The following CDH11 variants were observed in gnomAD, a reference collection of about 807,000 sequenced individuals.
CDH11 encodes the protein cadherin 11.
A neutral mutation model predicts 67.8 loss-of-function variants in CDH11; 11 were observed. That is an observed-to-expected ratio of 0.16 (90% confidence interval 0.10 to 0.27). The LOEUF (loss-of-function observed/expected upper bound fraction) is 0.27. CDH11 is among the 10% of genes least tolerant of loss of function. The pLI is 1.00. For missense variants in CDH11, 847 were observed against 1,031.2 expected (o/e 0.82, Z 2.45); for synonymous variants, 419 against 400.0 (o/e 1.05, Z -0.57).
chr16:65,114,757 C>A (rs1030384492), intron 1 of CDH11, among the ~76,000 whole-genome samples: 2 of 152,114 alleles, frequency 1.3e-5, no homozygotes, highest in Non-Finnish European at 2.9e-5. Flanking sequence ...GAAAGCCCAG[C>A]CTGGCTGTGA....
chr16:64,978,294 G>A (rs919691223), intron 8 of CDH11, among the ~76,000 whole-genome samples: 1 of 152,110 alleles, frequency 6.6e-6, no homozygotes, highest in South Asian at 2.1e-4. Context: ...AGTGGAAGGC[G>A]CAGTGATGAT....
At chr16:64,993,819 G>A (rs2072694267) in intron 4 of CDH11, among the ~76,000 whole-genome samples, 1 of 152,176 alleles carries the variant, frequency 6.6e-6, no homozygotes, top group Non-Finnish European at 1.5e-5. Flanking sequence ...TGGGGAGAGA[G>A]GAGCTGGAAG....
At chr16:65,033,010 C>G (rs532090129) in intron 2 of CDH11, among the ~76,000 whole-genome samples, 12 of 152,272 alleles carry the variant, frequency 7.9e-5, no homozygotes, top group African/African-American at 2.6e-4. Flanking sequence ...TAAATTTTTC[C>G]TTTCTCTCTT....
At chr16:64,992,372 C>T (rs539190434) in intron 5 of CDH11, among the ~76,000 whole-genome samples, 1 of 152,298 alleles carries the variant, frequency 6.6e-6, no homozygotes, top group South Asian at 2.1e-4. Flanking sequence ...TCATGCAATA[C>T]ATTAAAGTGT....
At chr16:64,948,121 G>T (rs1276752004) in intron 12 of CDH11, 22 bp from the exon 13 acceptor site, 4 of 1,599,044 alleles carry the variant, frequency 2.5e-6, no homozygotes, top group Admixed American at 1.7e-5. Flanking sequence ...GAAAAAGAAG[G>T]TAAGCATTCG....
chr16:64,974,345 G>A (rs1170031229), intron 8 of CDH11, among the ~76,000 whole-genome samples: 1 of 152,180 alleles, frequency 6.6e-6, no homozygotes, highest in Non-Finnish European at 1.5e-5. Flanking sequence ...TTTACAAAAT[G>A]AGTATGTCAG....
chr16:64,968,326 A>G, intron 11 of CDH11: 1 of 586,852 alleles, frequency 1.7e-6, no homozygotes, highest in Non-Finnish European at 2.1e-6. Flanking sequence ...TAGAGGAGAG[A>G]TATTATCTCA....
chr16:64,948,231 A>G, intron 12 of CDH11, 132 bp from the exon 13 acceptor site: 1 of 1,197,640 alleles, frequency 8.3e-7, no homozygotes, highest in Non-Finnish European at 1.1e-6. Context: ...AGGAAATGAG[A>G]GCTTTGCCTG....
chr16:65,122,951 T>C (rs2075360248), upstream of CDH11, among the ~76,000 whole-genome samples: 1 of 151,968 alleles, frequency 6.6e-6, no homozygotes, highest in South Asian at 2.1e-4. Context: ...CCCGGTGGAG[T>C]GTGCGTTTCT....
chr16:64,998,797 T>G lies in CDH11; in HGVS notation c.288A>C (p.Gly96=). ...GNIKYILSGE[G]AGTIFVIDDK... Reference sequence around the variant, plus strand: ...CATCAATCACAAAAATGGTTCCAGCTCCTTCCCCTGAGAGAATGTATTTAA... The same window carrying G: ...CATCAATCACAAAAATGGTTCCAGCGCCTTCCCCTGAGAGAATGTATTTAA... Residue 96 remains glycine, a synonymous_variant, in exon 4 of 13, where the codon GGA becomes GGC. Transcript: ENST00000268603. 6.2e-7 allele frequency: 1 copy of G among 1,614,112 alleles called. No homozygotes were observed. Among genetic ancestry groups the G allele is most frequent in the Non-Finnish European group, 8.5e-7 (1 of 1,179,982 alleles).
At chr16:64,960,638 G>A (rs79178003) in intron 11 of CDH11, among the ~76,000 whole-genome samples, 7,594 of 152,094 alleles carry the variant, frequency 0.05, 275 homozygotes, top group Non-Finnish European at 0.071. Flanking sequence ...CCCTGCACAT[G>A]GACATGTGAG....
At chr16:65,065,530 T>C (rs1186646611) in intron 1 of CDH11, among the ~76,000 whole-genome samples, 1 of 152,202 alleles carries the variant, frequency 6.6e-6, no homozygotes, top group Admixed American at 6.5e-5. Flanking sequence ...AAACTGCTGC[T>C]GAGCTGTATT....
At chr16:65,064,696 T>A (rs892551814) in intron 1 of CDH11, among the ~76,000 whole-genome samples, 2 of 152,234 alleles carry the variant, frequency 1.3e-5, no homozygotes, top group African/African-American at 2.4e-5. Context: ...TTCCTTTTAA[T>A]TGTATCTGTT....
Position 64,973,114 on chromosome 16 carries a change from C to T in CDH11, c.1254-74G>A, listed in dbSNP as rs1027285544. The T allele has an allele frequency of 5.0e-6, 7 of 1,386,730 alleles. No homozygotes were observed. In the East Asian group the frequency reaches 1.2e-4, roughly 24 times the overall value. The allele number at this position is 1,386,730 out of a possible 1,614,324, so 85.9% of individuals were successfully genotyped here. A position where few individuals can be genotyped will look rare whatever the true frequency, so the allele number is the denominator to read the frequency against. ...TTAATATTTGAATATTTTCTCCATG[C>T]TATATTTAAATCAAGCTTCTCAATG... On this transcript the variant is annotated intron_variant, in intron 8 of 12. Transcript: ENST00000268603.
At chr16:64,960,245 C>T (rs539262947) in intron 11 of CDH11, among the ~76,000 whole-genome samples, 1 of 152,258 alleles carries the variant, frequency 6.6e-6, no homozygotes, top group South Asian at 2.1e-4. Context: ...GATTTGTTCT[C>T]TTTTTCATCC....
Position 64,991,815 on chromosome 16 carries a change from G to T in CDH11, c.764C>A (p.Thr255Lys). ...GTCATTGACATCGGTCAGTGTGATC[G>T]TCACTTTGGTTGTCCCTGAGAGTCC... ...MGGLSGTTKV[T>K]ITLTDVNDNP... The change falls in exon 6 of 13, where the codon ACG becomes AAG. Residue 255 changes from threonine to lysine, a missense_variant. By Grantham distance (78) the Thr-to-Lys change is moderately conservative. Coordinates refer to ENST00000268603, the MANE Select transcript of CDH11 (RefSeq NM_001797.4). 1 of 1,613,486 alleles carries T rather than the reference G, an allele frequency of 6.2e-7. No individual in the cohort carries two copies. The highest frequency in any genetic ancestry group is 8.5e-7 in the Non-Finnish European group (1 of 1,179,596).
intron 7 of CDH11, 81 bp downstream of exon 7, chr16:64,988,076 G>A (rs1287669862): frequency 1.1e-5 from 13 of 1,134,688 alleles, no homozygotes; most frequent in East Asian, 2.6e-5. Context: ...TTTCTTAACC[G>A]TCGCCTCCCT....
At position 64,971,628 on chromosome 16, in the gene CDH11, T is replaced by C. The variant is rs2072007447; in HGVS notation, c.1593A>G (p.Leu531=). 1 of 1,613,634 alleles carries C rather than the reference T, an allele frequency of 6.2e-7. No individual in the cohort carries two copies. ...TANGPRFIFS[L]PPEIIHNPNF... is the part of the protein sequence containing the mutation. ...TTGGATTGTGAATGATTTCAGGGGG[T>C]AGGCTGAAGATAAATCTTGGTCCAT... The change falls in exon 11 of 13, where the codon CTA becomes CTG. Residue 531 remains leucine (L), a synonymous_variant. Coordinates refer to ENST00000268603, the MANE Select transcript of CDH11 (RefSeq NM_001797.4).
intron 1 of CDH11, among the ~76,000 whole-genome samples, chr16:65,110,165 C>G (rs2075132165): frequency 6.6e-6 from 1 of 152,106 alleles, no homozygotes; most frequent in Non-Finnish European, 1.5e-5. Context: ...GTCATTGCAC[C>G]CAGCCTATTC....
Sources: gnomAD v4.1 joint callset for allele counts (sites outside exome capture counted in the v4.1 genomes callset) on GRCh38, gnomAD v4.1.1 for gene constraint, MANE v1.5 for transcripts, NCBI Gene and HGNC (gene_info 2026-07-23, HGNC 2026-07-21) for gene names.